Variants in PDE3A observed in about 807,000 individuals in gnomAD.
The protein encoded by PDE3A is phosphodiesterase 3A, also known as cGMP-inhibited 3',5'-cyclic phosphodiesterase 3A.
PDE3A carries 43 observed loss-of-function variants against 98.3 expected under a neutral mutation model. The ratio of observed to expected loss-of-function variants is 0.44; its 90% confidence interval spans 0.34 to 0.56. The LOEUF is 0.56. PDE3A is among the 20% of genes least tolerant of loss of function. PDE3A has a pLI of 0.01. For missense variants in PDE3A, 1,427 were observed against 1,440.7 expected (o/e 0.99, Z 0.15); for synonymous variants, 663 against 567.9 (o/e 1.17, Z -2.38).
In PDE3A at chr12:20,680,334, G is replaced by A; in HGVS notation, c.*63G>A. 6.5e-7 allele frequency: 1 copy of A among 1,545,790 alleles called. No individual in the cohort carries two copies. Among genetic ancestry groups the A allele is most frequent in the Non-Finnish European group, 8.8e-7 (1 of 1,130,348 alleles). On this transcript the variant is annotated 3_prime_UTR_variant, in exon 16 of 16. Coordinates refer to ENST00000359062, the MANE Select transcript of PDE3A (RefSeq NM_000921.5). The stretch of plus-strand genomic sequence containing the variant: ...CTTGTCAAAGACTCTCTTCAAGCCA[G>A]CACAACATTTAGACACAACACTGTA...
chr12:20,450,055 TC>T, intron 1 of PDE3A: 2 of 602,032 alleles, frequency 3.3e-6, no homozygotes, highest in Non-Finnish European at 6.1e-6. Context: ...ATTGCATATT[TC>T]TTCAAGCTCC....
intron 1 of PDE3A, among the ~76,000 whole-genome samples, chr12:20,414,515 G>A (rs772111470): frequency 6.6e-6 from 1 of 152,142 alleles, no homozygotes; most frequent in Non-Finnish European, 1.5e-5. Flanking sequence ...GCTTCCTATT[G>A]ATATTTTGTC....
intron 1 of PDE3A, among the ~76,000 whole-genome samples, chr12:20,530,961 T>C (rs1941580984): frequency 6.6e-6 from 1 of 152,188 alleles, no homozygotes; most frequent in Admixed American, 6.5e-5. Flanking sequence ...TTCAGGTTTT[T>C]GTTAGGATGA....
intron 2 of PDE3A, among the ~76,000 whole-genome samples, chr12:20,574,260 G>A (rs73076989): frequency 0.17 from 25,668 of 152,002 alleles, 2,343 homozygotes; most frequent in East Asian, 0.3. Flanking sequence ...AAAGCAAAAG[G>A]TTATAATTAA....
chr12:20,459,830 T>C (rs1258526217), intron 1 of PDE3A, among the ~76,000 whole-genome samples: 1 of 152,054 alleles, frequency 6.6e-6, no homozygotes, highest in African/African-American at 2.4e-5. Flanking sequence ...AAGGAATCAA[T>C]TACAGTGATA....
chr12:20,407,328 A>T (rs1032095797), intron 1 of PDE3A, among the ~76,000 whole-genome samples: 16 of 152,214 alleles, frequency 1.1e-4, no homozygotes, highest in Admixed American at 6.5e-5. Flanking sequence ...TTTCCTCATA[A>T]ATACATGGTT....
At position 20,687,589 on chromosome 12, in the gene PDE3A, T is replaced by C. The variant is rs1336492152; in HGVS notation, c.*7318T>C. On this transcript the variant is annotated 3_prime_UTR_variant, in exon 16 of 16. Coordinates refer to ENST00000359062, the MANE Select transcript of PDE3A (RefSeq NM_000921.5). ...CATTTTTGTTCCAACAAGAACAATCTGTTAGTTGATAAGCACTGGTAATAA... is the reference window on the plus strand; with the variant it reads ...CATTTTTGTTCCAACAAGAACAATCCGTTAGTTGATAAGCACTGGTAATAA... 6.6e-6 allele frequency among the ~76,000 whole-genome samples: 1 copy of C among 152,060 alleles called. No individual in the cohort carries two copies. The highest frequency in any genetic ancestry group is 6.6e-5 in the Admixed American group (1 of 15,248).
At chr12:20,430,606 A>G (rs1399344123) in intron 1 of PDE3A, among the ~76,000 whole-genome samples, 1 of 152,176 alleles carries the variant, frequency 6.6e-6, no homozygotes, top group African/African-American at 2.4e-5. Flanking sequence ...ACTGCCCTGA[A>G]AGGAATATTT....
chr12:20,656,939 G>C (rs186128900), intron 15 of PDE3A, among the ~76,000 whole-genome samples: 2 of 152,224 alleles, frequency 1.3e-5, no homozygotes, highest in African/African-American at 4.8e-5. Context: ...TGTAGGGTTG[G>C]GTTGTCATAC....
At chr12:20,664,111 A>T (rs1253388547) in intron 15 of PDE3A, among the ~76,000 whole-genome samples, 2 of 152,098 alleles carry the variant, frequency 1.3e-5, no homozygotes, top group Admixed American at 1.3e-4. Context: ...CATGTGAATT[A>T]AGGACATGTT....
intron 5 of PDE3A, among the ~76,000 whole-genome samples, chr12:20,628,407 C>T (rs1313801079): frequency 5.3e-5 from 8 of 152,108 alleles, no homozygotes; most frequent in Admixed American, 2.6e-4. Flanking sequence ...TCAGGCATGA[C>T]GTAAGGAGCA....
intron 1 of PDE3A, among the ~76,000 whole-genome samples, chr12:20,386,142 AATATATATAT>A (rs1174167635): frequency 9.6e-4 from 27 of 28,054 alleles, no homozygotes; most frequent in East Asian, 4.0e-3. Flanking sequence ...AATATATATA[AATATATATAT>A]AAATATATAT....
rs537612823 is a variant in PDE3A, at chr12:20,370,788, T to A, written c.960+544T>A. Among the ~76,000 whole-genome samples, 8 of 152,324 alleles carry A rather than the reference T, an allele frequency of 5.3e-5. No homozygotes were observed. In the East Asian group the frequency reaches 9.7e-4, roughly 18 times the overall value. On this transcript the variant is annotated intron_variant, in intron 1 of 15. Coordinates refer to ENST00000359062, the MANE Select transcript of PDE3A (RefSeq NM_000921.5). The stretch of plus-strand genomic sequence containing the variant: ...GAAGGTGAGGAATTGATACACATTT[T>A]CTGGTTTTGCAGTAAGTTTTATTTG...
chr12:20,566,679 G>A lies in PDE3A; in HGVS notation c.1011+9969G>A, dbSNP rs150775659. On this transcript the variant is annotated intron_variant, in intron 2 of 15. Coordinates refer to ENST00000359062, the MANE Select transcript of PDE3A (RefSeq NM_000921.5). ...TTCTCAAAGGACTGGGAGCAGAGGA[G>A]AGGAAAGAAGTTGTCTATCAAAGAT... 3.3e-5 allele frequency among the ~76,000 whole-genome samples: 5 copies of A among 151,944 alleles called. No homozygotes were observed. The East Asian group carries it at 9.7e-4, about 29-fold the overall frequency.
intron 2 of PDE3A, among the ~76,000 whole-genome samples, chr12:20,606,271 C>T (rs1943707428): frequency 6.6e-6 from 1 of 151,870 alleles, no homozygotes; most frequent in Non-Finnish European, 1.5e-5. Flanking sequence ...TAGATTTTAT[C>T]TTTTAGAAAT....
rs546885936 is a variant in PDE3A, at chr12:20,604,968, A to C, written c.1012-8475A>C. Among the ~76,000 whole-genome samples, 3 of 152,250 alleles carry C rather than the reference A, an allele frequency of 2.0e-5. No homozygotes were observed. The South Asian group carries it at 6.2e-4, about 32-fold the overall frequency. The stretch of plus-strand genomic sequence containing the variant: ...AAGCATTCTGAGTTGAAAAGCCTTT[A>C]GGTGTGTTGTGATTTTCTTTTTGAA... On this transcript the variant is annotated intron_variant, in intron 2 of 15. Transcript: ENST00000359062.
At chr12:20,444,121 A>G (rs1944913961) in intron 1 of PDE3A, among the ~76,000 whole-genome samples, 1 of 152,176 alleles carries the variant, frequency 6.6e-6, no homozygotes, top group South Asian at 2.1e-4. Context: ...TTTAAAGATG[A>G]TACAGCATGC....
chr12:20,441,366 C>G (rs761947176), intron 1 of PDE3A, among the ~76,000 whole-genome samples: 1 of 151,552 alleles, frequency 6.6e-6, no homozygotes, highest in South Asian at 2.1e-4. Context: ...AAGACGTAGT[C>G]GAAGGCAACA....
intron 1 of PDE3A, among the ~76,000 whole-genome samples, chr12:20,542,970 T>A (rs1301580165): frequency 6.6e-6 from 1 of 152,044 alleles, no homozygotes; most frequent in Non-Finnish European, 1.5e-5. Flanking sequence ...ATGAGGCCTT[T>A]ATTTTATTTT....
Sources: gnomAD v4.1 joint callset for allele counts (sites outside exome capture counted in the v4.1 genomes callset) on GRCh38, gnomAD v4.1.1 for gene constraint, MANE v1.5 for transcripts, NCBI Gene and HGNC (gene_info 2026-07-23, HGNC 2026-07-21) for gene names.